ABRAXAS1: variants seen among roughly 807,000 people sequenced by gnomAD.
ABRAXAS1 encodes abraxas 1, BRCA1 A complex subunit, also known as BRCA1-A complex subunit Abraxas 1.
In ABRAXAS1, 26 loss-of-function variants were observed where a neutral mutation model predicts 38.4. The observed-to-expected ratio is 0.68, with a 90% CI of 0.50 to 0.94. The LOEUF (loss-of-function observed/expected upper bound fraction) is 0.94, where lower values mean the gene tolerates loss of function less well. ABRAXAS1 is among the 40% of genes least tolerant of loss of function. The pLI, the probability that ABRAXAS1 is intolerant of heterozygous loss-of-function variation, is 0.00. For missense variants in ABRAXAS1, 438 were observed against 481.9 expected (o/e 0.91, Z 0.85); for synonymous variants, 144 against 165.5 (o/e 0.87, Z 1.00).
chr4:83,463,800 G>T (rs537631919), intron 7 of ABRAXAS1, 192 bp from the exon 8 acceptor site: 1 of 361,822 alleles, frequency 2.8e-6, no homozygotes, highest in Non-Finnish European at 4.9e-6. Flanking sequence ...AGCCTTATAG[G>T]TTGTAAAATG....
At chr4:83,484,616 G>T (rs1050030013) in intron 1 of ABRAXAS1, among the ~76,000 whole-genome samples, 1 of 152,246 alleles carries the variant, frequency 6.6e-6, no homozygotes, top group African/African-American at 2.4e-5. Flanking sequence ...GTCGGGCGTC[G>T]CGAGAAACGG....
chr4:83,477,489 C>A, intron 2 of ABRAXAS1: 1 of 365,390 alleles, frequency 2.7e-6, no homozygotes. Flanking sequence ...ACTGTGGGAG[C>A]CTCAGTTTCC....
chr4:83,466,140 C>T (rs1472373452), intron 7 of ABRAXAS1, among the ~76,000 whole-genome samples: 1 of 152,160 alleles, frequency 6.6e-6, no homozygotes, highest in Non-Finnish European at 1.5e-5. Context: ...CCTAGTGGAA[C>T]GTTCTTAAAA....
chr4:83,463,772 A>G, intron 7 of ABRAXAS1, 164 bp from the exon 8 acceptor site: 1 of 417,364 alleles, frequency 2.4e-6, no homozygotes, highest in South Asian at 7.7e-5. Flanking sequence ...AGTAACAAGC[A>G]CTTGTAGGTT....
Position 83,462,701 on chromosome 4 carries a change from G to A in ABRAXAS1, c.998C>T (p.Pro333Leu). The A allele has an allele frequency of 6.2e-7, 1 of 1,613,756 alleles. No homozygotes were observed. The highest frequency in any genetic ancestry group is 8.5e-7 in the Non-Finnish European group (1 of 1,179,974). Residue 333 changes from proline to leucine, a missense_variant, in exon 9 of 9, where the codon CCT becomes CTT. Pro to Leu is a moderately conservative substitution (Grantham distance 98). Around this residue, in one of 3 missense-constraint regions of ABRAXAS1, gnomAD observed 184 missense variants for 181.9 expected, o/e 1.01. Transcript: ENST00000321945. ...TGGTGTACTAGCTGGACTAGCTTCA[G>A]GAATGTCAGTGTGTTCTACCATTAA... ...LTLMVEHTDIPEASPASTPQI... is the reference protein window; with the variant it reads ...LTLMVEHTDILEASPASTPQI...
In ABRAXAS1 at chr4:83,459,625, G is replaced by A. The variant is rs1578118821; in HGVS notation, c.*2844C>T. ...ATTTTTTTCTTATATTTTATGAAATGTGTCTGAAATTTAGTAAAGCTTTAT... is the reference window on the plus strand; with the variant it reads ...ATTTTTTTCTTATATTTTATGAAATATGTCTGAAATTTAGTAAAGCTTTAT... On this transcript the variant is annotated 3_prime_UTR_variant, in exon 9 of 9. Transcript: ENST00000321945. 11 of 839,788 alleles carry A rather than the reference G, an allele frequency of 1.3e-5. No individual in the cohort carries two copies. The East Asian group carries it at 2.9e-4, about 22-fold the overall frequency. The allele number at this position is 839,788 out of a possible 1,614,324, so 52.0% of individuals were successfully genotyped here.
chr4:83,484,293 T>C (rs1723099050), intron 1 of ABRAXAS1: 1 of 776,618 alleles, frequency 1.3e-6, no homozygotes, highest in Admixed American at 6.2e-5. Flanking sequence ...GTATTTCAGA[T>C]GCTTAGACTT....
Position 83,459,843 on chromosome 4 carries a change from T to C in ABRAXAS1, c.*2626A>G. 2.1e-6 allele frequency: 3 copies of C among 1,457,166 alleles called. No homozygotes were observed. The highest frequency in any genetic ancestry group is 2.8e-6 in the Non-Finnish European group (3 of 1,055,970). 90.3% of individuals were successfully genotyped at this position (1,457,166 alleles called of 1,614,324 possible). On this transcript the variant is annotated 3_prime_UTR_variant, in exon 9 of 9. Transcript: ENST00000321945. Reference sequence around the variant, plus strand: ...GGAATATAAATGTAGATACGAATTATATCAATCTATTTCTATCATTTAAGA... The same window carrying C: ...GGAATATAAATGTAGATACGAATTACATCAATCTATTTCTATCATTTAAGA...
At chr4:83,464,198 A>G (rs980955004) in intron 7 of ABRAXAS1, among the ~76,000 whole-genome samples, 2 of 152,188 alleles carry the variant, frequency 1.3e-5, no homozygotes, top group Non-Finnish European at 2.9e-5. Flanking sequence ...AACAAAAACA[A>G]ACAAAAAAAC....
rs1464580200 is a variant in ABRAXAS1, at chr4:83,459,798, G to T, written c.*2671C>A. ...TGCATTTATGGAAGGCACATTACAG[G>T]TATGTTCTTTTTTATTATGGGAATA... On this transcript the variant is annotated 3_prime_UTR_variant, in exon 9 of 9. Transcript: ENST00000321945. The T allele has an allele frequency of 1.9e-6, 3 of 1,592,824 alleles. No homozygotes were observed.
intron 7 of ABRAXAS1, 135 bp downstream of exon 7, chr4:83,467,319 G>C (rs1184190450): frequency 1.6e-6 from 1 of 607,168 alleles, no homozygotes; most frequent in Middle Eastern, 3.8e-4. Flanking sequence ...TTCTCAGAAG[G>C]TACATAGCCT....
At chr4:83,477,992 G>A (rs1182397457) in intron 2 of ABRAXAS1, 13 of 966,740 alleles carry the variant, frequency 1.3e-5, no homozygotes, top group Non-Finnish European at 2.1e-5. Flanking sequence ...GAGCATGATT[G>A]GCAGCTTCAT....
chr4:83,464,192 AAAAC>A (rs869057838), intron 7 of ABRAXAS1, among the ~76,000 whole-genome samples: 4 of 152,204 alleles, frequency 2.6e-5, no homozygotes, highest in African/African-American at 7.2e-5. Context: ...GTCTCAAACA[AAAAC>A]AAACAAAAAA....
At position 83,464,109 on chromosome 4, in the gene ABRAXAS1, C is replaced by A. The variant is rs867098246; in HGVS notation, c.682-501G>T. On this transcript the variant is annotated intron_variant, in intron 7 of 8. Transcript: ENST00000321945. ...GACTGAGGCAGGTGAATCGCTTGAACCCAGGAAGCAGAGGTTGCAGTGAGC... is the reference window on the plus strand; with the variant it reads ...GACTGAGGCAGGTGAATCGCTTGAAACCAGGAAGCAGAGGTTGCAGTGAGC... Among the ~76,000 whole-genome samples the A allele has an allele frequency of 1.3e-5, 2 of 152,136 alleles. 1 individual carries two copies.
At chr4:83,482,420 A>G (rs948007485) in intron 1 of ABRAXAS1, among the ~76,000 whole-genome samples, 176 bp from the exon 2 acceptor site, 3 of 152,252 alleles carry the variant, frequency 2.0e-5, no homozygotes, top group African/African-American at 7.2e-5. Context: ...TTAAATAAAA[A>G]TGAGAAGAGG....
At chr4:83,471,429 C>T (rs930419492) in intron 4 of ABRAXAS1, among the ~76,000 whole-genome samples, 4 of 151,538 alleles carry the variant, frequency 2.6e-5, no homozygotes, top group African/African-American at 7.3e-5. Context: ...AGGCTGGTCT[C>T]GAACTCCTGA....
intron 1 of ABRAXAS1, 115 bp from the exon 2 acceptor site, chr4:83,482,359 C>A: frequency 1.8e-6 from 1 of 548,018 alleles, no homozygotes; most frequent in South Asian, 2.7e-5. Flanking sequence ...CAGTCGGGGG[C>A]ACATATGAAA....
At position 83,477,302 on chromosome 4, in the gene ABRAXAS1, G is replaced by GA. The variant is rs556211110; in HGVS notation, c.179-624dup. 4.9e-3 allele frequency among the ~76,000 whole-genome samples: 742 copies of GA among 150,920 alleles called. 1 individual carries two copies. The highest frequency in any genetic ancestry group is 0.037 in the Middle Eastern group (11 of 294). On this transcript the variant is annotated intron_variant, in intron 2 of 8. Transcript: ENST00000321945. ...GGGCGGCACGCTAATTTCAATTAGGGAAAAAAAATGCTCTAAGGGCTTGCT... is the reference window on the plus strand; with the variant it reads ...GGGCGGCACGCTAATTTCAATTAGGGAAAAAAAAATGCTCTAAGGGCTTGCT...
At position 83,460,895 on chromosome 4, in the gene ABRAXAS1, G is replaced by T; in HGVS notation, c.*1574C>A. The T allele has an allele frequency of 8.2e-7, 1 of 1,223,282 alleles. No individual in the cohort carries two copies. Among genetic ancestry groups the T allele is most frequent in the South Asian group, 1.3e-5 (1 of 75,462 alleles). 75.8% of individuals were successfully genotyped at this position (1,223,282 alleles called of 1,614,324 possible). On this transcript the variant is annotated 3_prime_UTR_variant, in exon 9 of 9. Transcript: ENST00000321945. ...TACTCCAGCCTGGGTGACACAGGGA[G>T]ACTCCATCTCAAAAAAAAAAATTGC...
Sources: gnomAD v4.1 joint callset for allele counts (sites outside exome capture counted in the v4.1 genomes callset) on GRCh38, gnomAD v4.1.1 for gene constraint, gnomAD v4.1.1 regional missense constraint, MANE v1.5 for transcripts, NCBI Gene and HGNC (gene_info 2026-07-23, HGNC 2026-07-21) for gene names.